The following PARD3B variants were observed in gnomAD, a reference collection of about 807,000 sequenced individuals.
PARD3B encodes partitioning defective 3 homolog B.
Under a neutral mutation model 130.2 loss-of-function variants are expected in PARD3B, and 103 were observed. The observed-to-expected ratio is 0.79, with a 90% CI of 0.67 to 0.93. The LOEUF (loss-of-function observed/expected upper bound fraction) is 0.93. PARD3B is among the 40% of genes least tolerant of loss of function. PARD3B has a pLI of 0.00. For synonymous variants in PARD3B, 583 were observed against 553.2 expected (o/e 1.05, Z -0.76); for missense variants, 1,609 against 1,499.2 (o/e 1.07, Z -1.21).
chr2:205,009,322 A>C (rs1358772396), intron 3 of PARD3B, among the ~76,000 whole-genome samples: 1 of 152,190 alleles, frequency 6.6e-6, no homozygotes, highest in African/African-American at 2.4e-5. Context: ...TTGAGTAGAG[A>C]AAAACATACC....
rs539468839 is a variant in PARD3B at position 204,595,561 on chromosome 2, A to G, written c.120+49442A>G. 1.8e-4 allele frequency among the ~76,000 whole-genome samples: 27 copies of G among 152,334 alleles called. No individual in the cohort carries two copies. In the South Asian group the frequency reaches 5.4e-3, roughly 30 times the overall value. ...AAAGACGAAGTTGAGTGGGGAAGAA[A>G]GAAACAGTTTACCAAAGAATATCAA... On this transcript the variant is annotated intron_variant, in intron 1 of 22. Transcript: ENST00000406610.
intron 1 of PARD3B, among the ~76,000 whole-genome samples, chr2:204,649,382 AGT>A (rs918539605): frequency 1.1e-4 from 17 of 152,000 alleles, no homozygotes; most frequent in African/African-American, 3.6e-4. Context: ...TTTTAATGAT[AGT>A]GTCATTGGAT....
rs1379065592 is a variant in PARD3B at position 204,864,084 on chromosome 2, A to G, written c.223-101068A>G. On this transcript the variant is annotated intron_variant, in intron 2 of 22. Coordinates refer to ENST00000406610, the MANE Select transcript of PARD3B (RefSeq NM_001302769.2). ...TCACTGGGGAGATTGTTTGATTGCC[A>G]ATAGACTGTTTCCTATTCTATCTTT... Among the ~76,000 whole-genome samples the G allele has an allele frequency of 3.3e-5, 5 of 152,146 alleles. No individual in the cohort carries two copies. In the East Asian group the frequency reaches 7.7e-4, roughly 23 times the overall value.
At position 205,300,570 on chromosome 2, in the gene PARD3B, A is replaced by G. The variant is rs1359302530; in HGVS notation, c.2226A>G (p.Lys742=). 1 of 1,613,874 alleles carries G rather than the reference A, an allele frequency of 6.2e-7. No homozygotes were observed. The highest frequency in any genetic ancestry group is 8.5e-7 in the Non-Finnish European group (1 of 1,179,988). The change falls in exon 17 of 23, where the codon AAA becomes AAG. Residue 742 remains lysine, a synonymous_variant. Transcript: ENST00000406610. This position sits in a 1 kb window ranked among gnomAD's most constrained non-coding sequence, Gnocchi z 4.1. ...ATTTTGGTCCAACTCTGGGTTTGAA[A>G]AAGTCCAGCTCCTTGGAGAGTCTGC... ...SKDFGPTLGL[K]KSSSLESLQT... is the part of the protein sequence containing the mutation.
chr2:205,039,931 AT>A (rs1698275864), intron 3 of PARD3B, among the ~76,000 whole-genome samples: 2 of 151,884 alleles, frequency 1.3e-5, no homozygotes, highest in African/African-American at 4.8e-5. Context: ...TGGAAACTTC[AT>A]TTTTCTGGGC....
intron 16 of PARD3B, among the ~76,000 whole-genome samples, chr2:205,246,751 G>C (rs2039589996): frequency 6.6e-6 from 1 of 152,158 alleles, no homozygotes; most frequent in Admixed American, 6.5e-5. Flanking sequence ...TCCAGGGCAA[G>C]ATTATGATTT....
chr2:204,694,296 T>C (rs1045530836), intron 2 of PARD3B, among the ~76,000 whole-genome samples: 2 of 152,020 alleles, frequency 1.3e-5, no homozygotes, highest in Non-Finnish European at 2.9e-5. Context: ...AACGATTAAG[T>C]GGTCTTTTTT....
intron 13 of PARD3B, among the ~76,000 whole-genome samples, chr2:205,181,350 T>C (rs1445889311): frequency 1.3e-5 from 2 of 152,258 alleles, no homozygotes; most frequent in African/African-American, 4.8e-5. Context: ...CGTTTCAATT[T>C]GGCTAATGTT....
At chr2:205,531,461 T>G (rs930539757) in intron 21 of PARD3B, among the ~76,000 whole-genome samples, 2 of 152,318 alleles carry the variant, frequency 1.3e-5, no homozygotes, top group East Asian at 3.9e-4. Flanking sequence ...GTATTTTTCA[T>G]ATCTCCTGTC....
intron 1 of PARD3B, among the ~76,000 whole-genome samples, chr2:204,647,006 C>A (rs540439108): frequency 6.6e-6 from 1 of 151,850 alleles, no homozygotes; most frequent in Non-Finnish European, 1.5e-5. Flanking sequence ...CACATAAGAC[C>A]AACCTGGGAA....
chr2:205,052,307 G>A (rs1699243926), intron 4 of PARD3B, among the ~76,000 whole-genome samples: 1 of 151,046 alleles, frequency 6.6e-6, no homozygotes, highest in Admixed American at 6.6e-5. Context: ...ATAATACTGT[G>A]GTTGTTCTCA....
At chr2:205,208,634 A>G (rs10173941) in intron 15 of PARD3B, among the ~76,000 whole-genome samples, 75,456 of 132,084 alleles carry the variant, frequency 0.57, 22,133 homozygotes, top group East Asian at 0.72. Context: ...TTCAAAGAGA[A>G]TAAAATACCT....
At chr2:205,044,449 A>T (rs533745414) in intron 3 of PARD3B, among the ~76,000 whole-genome samples, 25 of 148,644 alleles carry the variant, frequency 1.7e-4, no homozygotes, top group African/African-American at 6.2e-4. Context: ...CTATTTCTCC[A>T]CATCCTCTCC....
chr2:204,912,542 G>A (rs2047278087), intron 2 of PARD3B, among the ~76,000 whole-genome samples: 1 of 152,076 alleles, frequency 6.6e-6, no homozygotes, highest in East Asian at 1.9e-4. Flanking sequence ...TTTTAAAAGT[G>A]CGAAGTATAC....
intron 16 of PARD3B, among the ~76,000 whole-genome samples, chr2:205,249,565 A>G (rs2039747317): frequency 6.6e-6 from 1 of 152,146 alleles, no homozygotes; most frequent in African/African-American, 2.4e-5. Context: ...AATCTTTATA[A>G]TATTTTTGAC....
At chr2:205,454,981 A>G (rs749284052) in intron 20 of PARD3B, among the ~76,000 whole-genome samples, 3 of 152,126 alleles carry the variant, frequency 2.0e-5, no homozygotes, top group Non-Finnish European at 2.9e-5. Flanking sequence ...GATATTATAT[A>G]CAACATTTAT....
chr2:204,568,061 C>A (rs2031781659), intron 1 of PARD3B, among the ~76,000 whole-genome samples: 1 of 152,078 alleles, frequency 6.6e-6, no homozygotes, highest in African/African-American at 2.4e-5. Context: ...TATTGTAAAT[C>A]TGTGAAATGA....
chr2:205,344,081 C>A (rs987460665), intron 18 of PARD3B, among the ~76,000 whole-genome samples: 1 of 151,898 alleles, frequency 6.6e-6, no homozygotes, highest in Non-Finnish European at 1.5e-5. Flanking sequence ...GAGCTTCCAG[C>A]GGATACATGG....
chr2:204,821,643 T>G (rs1372383738), intron 2 of PARD3B, among the ~76,000 whole-genome samples: 1 of 151,570 alleles, frequency 6.6e-6, no homozygotes, highest in Admixed American at 6.6e-5. Flanking sequence ...TGTATACATA[T>G]GTAACTAACC....
Sources: gnomAD v4.1 joint callset for allele counts (sites outside exome capture counted in the v4.1 genomes callset) on GRCh38, gnomAD v4.1.1 for gene constraint, Gnocchi (gnomAD v3.1) non-coding constraint, MANE v1.5 for transcripts, NCBI Gene and HGNC (gene_info 2026-07-23, HGNC 2026-07-21) for gene names.